Variants in COL5A2 observed in about 807,000 individuals in gnomAD.
COL5A2 encodes the protein collagen type V alpha 2 chain.
In COL5A2, 23 loss-of-function variants were observed where a neutral mutation model predicts 208.2. The ratio of observed to expected loss-of-function variants is 0.11; its 90% CI spans 0.08 to 0.16. COL5A2 has a LOEUF of 0.16. Ranked by LOEUF, COL5A2 falls within the 10% of genes least tolerant of loss-of-function variation. The probability of loss-of-function intolerance (pLI) is 1.00; values close to 1 mark genes in which losing one functional copy is unlikely to be tolerated. For synonymous variants in COL5A2, 625 were observed against 628.5 expected (o/e 0.99, Z 0.08); for missense variants, 1,590 against 1,956.4 (o/e 0.81, Z 3.53).
rs560488512 is a variant in COL5A2 at position 189,114,601 on chromosome 2, G to A, written c.98-4152C>T. ...AATCATAAAATTAACCCAAGCTGACGTCCAAAGCTTAGATTCAAGGCCCAG... is the reference window on the plus strand; with the variant it reads ...AATCATAAAATTAACCCAAGCTGACATCCAAAGCTTAGATTCAAGGCCCAG... On this transcript the variant is annotated intron_variant, in intron 1 of 53. Transcript: ENST00000374866. Among the ~76,000 whole-genome samples the A allele has an allele frequency of 1.6e-3, 225 of 144,520 alleles. 1 individual carries two copies. Among genetic ancestry groups the A allele is most frequent in the African/African-American group, 5.2e-3 (201 of 38,890 alleles). 94.8% of individuals were successfully genotyped at this position (144,520 alleles called of 152,430 possible).
the COL5A2 span, among the ~76,000 whole-genome samples, chr2:189,405,519 C>T: frequency 1.8e-4 from 27 of 152,268 alleles, no homozygotes; most frequent in Middle Eastern, 3.4e-3. Flanking sequence ...TGTGAGCCAC[C>T]GTGCCTGGCC....
the COL5A2 span, among the ~76,000 whole-genome samples, chr2:189,396,006 A>G: frequency 6.6e-6 from 1 of 152,056 alleles, no homozygotes; most frequent in Non-Finnish European, 1.5e-5. Flanking sequence ...TACTATTTAC[A>G]AAGAATATAT....
chr2:189,247,714 G>A, the COL5A2 span, among the ~76,000 whole-genome samples: 49 of 151,896 alleles, frequency 3.2e-4, no homozygotes, highest in African/African-American at 1.2e-3. Context: ...CCAGTAGCTG[G>A]GATTACAGGA....
At chr2:189,353,442 T>A in the COL5A2 span, among the ~76,000 whole-genome samples, 1 of 152,230 alleles carries the variant, frequency 6.6e-6, no homozygotes, top group East Asian at 1.9e-4. Flanking sequence ...TTTTTCCATT[T>A]GTTTGTGTCC....
intron 1 of COL5A2, among the ~76,000 whole-genome samples, chr2:189,147,677 C>T (rs1688065779): frequency 6.6e-6 from 1 of 152,082 alleles, no homozygotes; most frequent in South Asian, 2.1e-4. Context: ...TGGAAAAATT[C>T]AAATACTGAG....
chr2:189,071,387 T>C (rs1686270504), intron 18 of COL5A2, among the ~76,000 whole-genome samples: 1 of 152,214 alleles, frequency 6.6e-6, no homozygotes, highest in Non-Finnish European at 1.5e-5. Flanking sequence ...CCAGTTTATC[T>C]AATGTAATCC....
At chr2:189,110,501 G>A (rs768502534) in intron 1 of COL5A2, 52 bp from the exon 2 acceptor site, 5 of 1,537,158 alleles carry the variant, frequency 3.3e-6, no homozygotes, top group Non-Finnish European at 2.7e-6. Flanking sequence ...ATAGAATTGA[G>A]AAAATAAAAG....
the COL5A2 span, among the ~76,000 whole-genome samples, chr2:189,307,947 C>T: frequency 5.3e-5 from 8 of 152,152 alleles, no homozygotes; most frequent in African/African-American, 1.9e-4. Flanking sequence ...GAATGGCCTA[C>T]TCTGTTCTAT....
chr2:189,168,195 T>C (rs1483280104), intron 1 of COL5A2, among the ~76,000 whole-genome samples: 1 of 151,088 alleles, frequency 6.6e-6, no homozygotes, highest in African/African-American at 2.4e-5. Context: ...CGTCTTGGCC[T>C]CCCAAAGTGC....
the COL5A2 span, among the ~76,000 whole-genome samples, chr2:189,373,666 T>C: frequency 6.6e-6 from 1 of 152,142 alleles, no homozygotes; most frequent in Non-Finnish European, 1.5e-5. Context: ...ATAACAATAA[T>C]TAGTGTCTGG....
At chr2:189,122,432 T>C (rs1687523095) in intron 1 of COL5A2, among the ~76,000 whole-genome samples, 1 of 152,082 alleles carries the variant, frequency 6.6e-6, no homozygotes. Flanking sequence ...GTCATATACA[T>C]AGCTTCAGGA....
At position 189,085,160 on chromosome 2, in the gene COL5A2, A is replaced by T. The variant is rs777184581; in HGVS notation, c.798T>A (p.Asp266Glu). The T allele has an allele frequency of 1.2e-6, 2 of 1,611,722 alleles. No individual in the cohort carries two copies. The highest frequency in any genetic ancestry group is 1.7e-5 in the Admixed American group (1 of 59,794). Residue 266 changes from aspartate (D) to glutamate (E), a missense_variant and splice_region_variant, in exon 11 of 54, where the codon GAT becomes GAA. Coordinates refer to ENST00000374866, the MANE Select transcript of COL5A2 (RefSeq NM_000393.5). ...PEGPPGKPGE[D>E]GEPGRNGNPG... ...TGGAAAATGAGGAAAGGTAGCTTAC[A>T]TCTTCCCCAGGTTTACCAGGAGGGC...
At chr2:189,235,012 T>C in the COL5A2 span, among the ~76,000 whole-genome samples, 2 of 151,710 alleles carry the variant, frequency 1.3e-5, no homozygotes, top group Admixed American at 1.3e-4. Context: ...TATTGAGATA[T>C]TACATTCTTT....
chr2:189,265,933 T>C, the COL5A2 span, among the ~76,000 whole-genome samples: 1 of 152,156 alleles, frequency 6.6e-6, no homozygotes, highest in Non-Finnish European at 1.5e-5. Flanking sequence ...TAGTTAATCA[T>C]AGAGTGACCA....
the COL5A2 span, among the ~76,000 whole-genome samples, chr2:189,260,370 C>T: frequency 6.6e-6 from 1 of 152,080 alleles, no homozygotes; most frequent in African/African-American, 2.4e-5. Context: ...TTTGGGTAGC[C>T]CAGTGACTGC....
chr2:189,149,364 T>C (rs1474496495), intron 1 of COL5A2, among the ~76,000 whole-genome samples: 1 of 152,216 alleles, frequency 6.6e-6, no homozygotes, highest in African/African-American at 2.4e-5. Flanking sequence ...ACTTGCTGAT[T>C]AATAATATTG....
intron 1 of COL5A2, among the ~76,000 whole-genome samples, chr2:189,138,226 G>A (rs1038621500): frequency 2.6e-5 from 4 of 151,912 alleles, no homozygotes; most frequent in Non-Finnish European, 5.9e-5. Flanking sequence ...CACCCTCCTC[G>A]GCCTCCCAAA....
Position 189,159,418 on chromosome 2 carries a change from C to T in COL5A2, c.97+20090G>A, listed in dbSNP as rs544059764. ...AGAAAGCACTCAATAAATATTTGGCCGATGACTGTTTCATCGATTTTAAAA... is the reference window on the plus strand; with the variant it reads ...AGAAAGCACTCAATAAATATTTGGCTGATGACTGTTTCATCGATTTTAAAA... On this transcript the variant is annotated intron_variant, in intron 1 of 53. Transcript: ENST00000374866. 2.0e-5 allele frequency among the ~76,000 whole-genome samples: 3 copies of T among 152,220 alleles called. No homozygotes were observed. In the South Asian group the frequency reaches 6.2e-4, roughly 32 times the overall value.
At chr2:189,270,572 T>C in the COL5A2 span, among the ~76,000 whole-genome samples, 32 of 152,288 alleles carry the variant, frequency 2.1e-4, no homozygotes, top group African/African-American at 7.7e-4. Flanking sequence ...CTAATTTGAT[T>C]GTACTGTGGT....
Sources: allele counts gnomAD v4.1 joint callset (sites outside exome capture counted in the v4.1 genomes callset), GRCh38; gene constraint gnomAD v4.1.1; transcripts MANE v1.5; gene names NCBI Gene and HGNC (gene_info 2026-07-23, HGNC 2026-07-21).